Variants in STMN4 observed in about 807,000 individuals in gnomAD.
STMN4 encodes the protein stathmin 4.
Under a neutral mutation model 29.1 loss-of-function variants are expected in STMN4, and 12 were observed. The ratio of observed to expected loss-of-function variants is 0.41; its 90% CI spans 0.26 to 0.67. The LOEUF (loss-of-function observed/expected upper bound fraction) is 0.67. Among genes scored for constraint, STMN4 ranks in the 30% least tolerant of loss-of-function variants. STMN4 has a pLI of 0.30. For missense variants in STMN4, 181 were observed against 262.8 expected, an observed-to-expected ratio of 0.69 and a Z score of 2.15; for synonymous variants, 114 against 105.3, an observed-to-expected ratio of 1.08 and a Z score of -0.51.
At position 27,241,047 on chromosome 8, in the gene STMN4, C is replaced by G. The variant is rs1329154347; in HGVS notation, c.399+7G>C. 8 of 1,611,222 alleles carry G rather than the reference C, an allele frequency of 5.0e-6. No homozygotes were observed. Among genetic ancestry groups the G allele is most frequent in the Non-Finnish European group, 6.8e-6 (8 of 1,178,406 alleles). ...GAGGGAGGAAAGAAGGAAGGGTCAG[C>G]ATTTACCTTCCTTCGCTCCTCAGCC... On this transcript the variant is annotated splice_region_variant and intron_variant, in intron 5 of 6. Transcript: ENST00000350889.
chr8:27,243,844 A>C (rs1452662265), intron 1 of STMN4, 43 bp from the exon 2 acceptor site: 3 of 1,563,436 alleles, frequency 1.9e-6, no homozygotes, highest in African/African-American at 2.7e-5. Flanking sequence ...GATGGATTAG[A>C]CAGGTTATTC....
At position 27,241,739 on chromosome 8, in the gene STMN4, C is replaced by A; in HGVS notation, c.128G>T (p.Cys43Phe). 1 of 1,614,226 alleles carries A rather than the reference C, an allele frequency of 6.2e-7. No individual in the cohort carries two copies. The highest frequency in any genetic ancestry group is 2.2e-5 in the East Asian group (1 of 44,878). The change falls in exon 4 of 7, where the codon TGT (cysteine) becomes TTT (phenylalanine). Residue 43 changes from cysteine to phenylalanine, a missense_variant. Cys to Phe is a radical substitution (Grantham distance 205, BLOSUM62 -2). Transcript: ENST00000350889. ...CCGCTGGCTTTCATCCTTCCTCCTACACTGTCTCCCACACCAGCCTAGACA... is the reference window on the plus strand; with the variant it reads ...CCGCTGGCTTTCATCCTTCCTCCTAAACTGTCTCCCACACCAGCCTAGACA... ...YKYEGWCGRQCRRKDESQRKD... is the reference protein window; with the variant it reads ...YKYEGWCGRQFRRKDESQRKD...
intron 6 of STMN4, among the ~76,000 whole-genome samples, chr8:27,238,325 G>A (rs985877911): frequency 4.6e-5 from 7 of 152,332 alleles, no homozygotes; most frequent in South Asian, 4.1e-4. Flanking sequence ...GGACAGGGCA[G>A]AAAACATACA....
At chr8:27,252,564 G>T (rs1039476469) in intron 1 of STMN4, among the ~76,000 whole-genome samples, 5 of 152,274 alleles carry the variant, frequency 3.3e-5, no homozygotes, top group Admixed American at 6.5e-5. Context: ...GTGCTAGAAT[G>T]ACAGGCATGA....
At chr8:27,241,980 C>T in intron 3 of STMN4, 1 of 602,164 alleles carries the variant, frequency 1.7e-6, no homozygotes, top group South Asian at 2.0e-5. Flanking sequence ...CTCTTCCCAC[C>T]TCTGGACTCT....
chr8:27,236,703 C>T lies in STMN4; in HGVS notation c.*143G>A, dbSNP rs1801318286. 4.6e-6 allele frequency: 3 copies of T among 653,632 alleles called. No individual in the cohort carries two copies. Among genetic ancestry groups the T allele is most frequent in the Non-Finnish European group, 5.0e-6 (2 of 402,168 alleles). 40.5% of individuals were successfully genotyped at this position (653,632 alleles called of 1,614,324 possible). A position where few individuals can be genotyped will look rare whatever the true frequency, so the allele number is the denominator to read the frequency against. ...GGTCAATTCTTAACATGTACAAACACCAAAAGCAGAGGAAACGCCCCTTGG... is the reference window on the plus strand; with the variant it reads ...GGTCAATTCTTAACATGTACAAACATCAAAAGCAGAGGAAACGCCCCTTGG... On this transcript the variant is annotated 3_prime_UTR_variant, in exon 7 of 7. Coordinates refer to ENST00000350889, the MANE Select transcript of STMN4 (RefSeq NM_030795.4).
intron 1 of STMN4, among the ~76,000 whole-genome samples, chr8:27,250,576 T>C (rs919150813): frequency 1.3e-5 from 2 of 151,984 alleles, no homozygotes; most frequent in Admixed American, 6.5e-5. Flanking sequence ...GGAATTAGAG[T>C]GCAGACCAAG....
intron 1 of STMN4, among the ~76,000 whole-genome samples, chr8:27,253,558 G>A (rs1381141388): frequency 6.6e-6 from 1 of 152,118 alleles, no homozygotes; most frequent in East Asian, 1.9e-4. Flanking sequence ...AAAGCACTAG[G>A]GATCCAGTGA....
chr8:27,253,854 C>T (rs1311236202), intron 1 of STMN4, among the ~76,000 whole-genome samples: 2 of 151,734 alleles, frequency 1.3e-5, no homozygotes, highest in Admixed American at 6.6e-5. Flanking sequence ...GCAATCTTGG[C>T]TCACTGCAAC....
At chr8:27,252,247 CG>C (rs1174232312) in intron 1 of STMN4, among the ~76,000 whole-genome samples, 4 of 152,014 alleles carry the variant, frequency 2.6e-5, no homozygotes, top group African/African-American at 9.7e-5. Context: ...TCTTTGCTAT[CG>C]TGAATAATGC....
chr8:27,238,241 C>T (rs1801365393), intron 6 of STMN4, among the ~76,000 whole-genome samples: 1 of 152,188 alleles, frequency 6.6e-6, no homozygotes, highest in Non-Finnish European at 1.5e-5. Flanking sequence ...GAGTCTGGTA[C>T]ACAGGGTCAG....
At position 27,240,161 on chromosome 8, in the gene STMN4, T is replaced by C; in HGVS notation, c.401A>G (p.Tyr134Cys). ...KLEAAEERRKYQEAELLKHLA... is the reference protein window; with the variant it reads ...KLEAAEERRKCQEAELLKHLA... ...GTGTTTCAGGAGCTCCGCTTCCTGG[T>C]ACTGGGGAAGCATAAAGGCAGAAGG... The change falls in exon 6 of 7, where the codon TAC becomes TGC. Residue 134 changes from tyrosine (Y) to cysteine (C), a missense_variant and splice_region_variant. Tyr to Cys is a radical substitution (Grantham distance 194). Coordinates refer to ENST00000350889, the MANE Select transcript of STMN4 (RefSeq NM_030795.4). 6.2e-7 allele frequency: 1 copy of C among 1,613,290 alleles called. No individual in the cohort carries two copies. Among genetic ancestry groups the C allele is most frequent in the Non-Finnish European group, 8.5e-7 (1 of 1,179,610 alleles).
At chr8:27,247,578 G>T (rs908461115) in intron 1 of STMN4, among the ~76,000 whole-genome samples, 24 of 152,194 alleles carry the variant, frequency 1.6e-4, no homozygotes, top group Admixed American at 1.2e-3. Flanking sequence ...ATGCTAGGTT[G>T]TCTTGTGGGG....
chr8:27,239,674 A>G (rs1801408009), intron 6 of STMN4: 1 of 1,427,630 alleles, frequency 7.0e-7, no homozygotes, highest in Non-Finnish European at 9.2e-7. Context: ...ACTCCTTTGT[A>G]TTAGACAGGC....
At chr8:27,241,801 C>T in intron 3 of STMN4, 44 bp from the exon 4 acceptor site, 2 of 1,610,598 alleles carry the variant, frequency 1.2e-6, no homozygotes, top group Non-Finnish European at 1.7e-6. Flanking sequence ...CATGCCTGTT[C>T]CTTGGTGCCA....
In STMN4 at chr8:27,236,850, C is replaced by T; in HGVS notation, c.647G>A (p.Arg216Lys). ...KNKELKEEASR is the reference protein window; with the variant it reads ...KNKELKEEASK Reference sequence around the variant, plus strand: ...AAGTTCTTTGGCCTCTAGGCTTTACCTGGAGGCCTCTTCCTTCAGCTCCTT... The same window carrying T: ...AAGTTCTTTGGCCTCTAGGCTTTACTTGGAGGCCTCTTCCTTCAGCTCCTT... Residue 216 changes from arginine to lysine, a missense_variant, in exon 7 of 7, where the codon AGG becomes AAG. Physicochemically the swap from Arg to Lys is conservative, Grantham distance 26. Coordinates refer to ENST00000350889, the MANE Select transcript of STMN4 (RefSeq NM_030795.4). The T allele has an allele frequency of 6.2e-7, 1 of 1,605,132 alleles. No individual in the cohort carries two copies. Among genetic ancestry groups the T allele is most frequent in the Non-Finnish European group, 8.5e-7 (1 of 1,176,264 alleles).
Position 27,252,702 on chromosome 8 carries a change from T to C in STMN4, c.-79+5649A>G, listed in dbSNP as rs530697802. Among the ~76,000 whole-genome samples the C allele has an allele frequency of 3.3e-5, 5 of 152,288 alleles. No homozygotes were observed. The East Asian group carries it at 9.6e-4, about 29-fold the overall frequency. ...TGCCCAAAGTCATACAAGTAGAAAGTGGTAAACATGGGATTTGAATTGAAA... is the reference window on the plus strand; with the variant it reads ...TGCCCAAAGTCATACAAGTAGAAAGCGGTAAACATGGGATTTGAATTGAAA... On this transcript the variant is annotated intron_variant, in intron 1 of 6. Coordinates refer to ENST00000350889, the MANE Select transcript of STMN4 (RefSeq NM_030795.4).
chr8:27,251,787 T>A (rs1203751799), intron 1 of STMN4, among the ~76,000 whole-genome samples: 2 of 133,958 alleles, frequency 1.5e-5, no homozygotes, highest in Admixed American at 8.5e-5. Context: ...AAAAAATTTC[T>A]TTTTTGCCAT....
At chr8:27,244,809 G>A (rs528833284) in intron 1 of STMN4, among the ~76,000 whole-genome samples, 2 of 152,320 alleles carry the variant, frequency 1.3e-5, no homozygotes, top group African/African-American at 2.4e-5. Flanking sequence ...GGGAGGATCA[G>A]AGGGGTGGAG....
Sources: allele counts gnomAD v4.1 joint callset (sites outside exome capture counted in the v4.1 genomes callset), GRCh38; gene constraint gnomAD v4.1.1; transcripts MANE v1.5; gene names NCBI Gene and HGNC (gene_info 2026-07-23, HGNC 2026-07-21).